The following ABL1 variants were observed in gnomAD, a reference collection of about 807,000 sequenced individuals.
ABL1 encodes ABL proto-oncogene 1, non-receptor tyrosine kinase.
A neutral mutation model predicts 94.7 loss-of-function variants in ABL1; 11 were observed. The observed-to-expected ratio is 0.12, with a 90% CI of 0.07 to 0.19. The LOEUF is 0.19. ABL1 is among the 10% of genes least tolerant of loss of function. The pLI is 1.00. For synonymous variants in ABL1, 656 were observed against 622.4 expected, an observed-to-expected ratio of 1.05 and a Z score of -0.80; for missense variants, 1,082 against 1,489.4, an observed-to-expected ratio of 0.73 and a Z score of 4.50.
chr9:130,851,977 C>T (rs1830874089), intron 1 of ABL1, among the ~76,000 whole-genome samples: 1 of 151,816 alleles, frequency 6.6e-6, no homozygotes, highest in East Asian at 1.9e-4. Context: ...TGGGGTTTTG[C>T]CATGTTGGCC....
chr9:130,722,576 A>T (rs1022964829), intron 1 of ABL1, among the ~76,000 whole-genome samples: 1 of 152,028 alleles, frequency 6.6e-6, no homozygotes, highest in Non-Finnish European at 1.5e-5. Context: ...TGCAGCCTTG[A>T]ACTCCTGGGC....
At chr9:130,785,930 A>G (rs1194581796) in intron 1 of ABL1, among the ~76,000 whole-genome samples, 2 of 133,208 alleles carry the variant, frequency 1.5e-5, no homozygotes, top group African/African-American at 6.2e-5. Flanking sequence ...CTCAAAACTA[A>G]AAAAAAAAAA....
rs1368132260 is a variant in ABL1, at chr9:130,862,763, C to A, written c.550C>A (p.Leu184Ile). ...YRINTASDGK[L>I]YVSSESRFNT... ...GAAGGCTGTTCCCTGTTTCCTTCAG[C>A]TCTACGTCTCCTCCGAGAGCCGCTT... The change falls in exon 4 of 11, where the codon CTC becomes ATC. Residue 184 changes from leucine to isoleucine, a missense_variant and splice_region_variant. Physicochemically the swap from Leu to Ile is conservative, Grantham distance 5 (BLOSUM62 2). Coordinates refer to ENST00000318560, the MANE Select transcript of ABL1 (RefSeq NM_005157.6). This position sits in a 1 kb window ranked among gnomAD's most constrained non-coding sequence, Gnocchi z 5.5. The A allele has an allele frequency of 6.2e-7, 1 of 1,613,350 alleles. No individual in the cohort carries two copies. Among genetic ancestry groups the A allele is most frequent in the South Asian group, 1.1e-5 (1 of 90,972 alleles).
At chr9:130,797,931 A>T (rs930660045) in intron 1 of ABL1, among the ~76,000 whole-genome samples, 2 of 151,970 alleles carry the variant, frequency 1.3e-5, no homozygotes, top group African/African-American at 4.8e-5. Context: ...ACTGTGCCCC[A>T]TGTCTTTTCA....
intron 1 of ABL1, among the ~76,000 whole-genome samples, chr9:130,764,292 G>T (rs1462549342): frequency 6.6e-6 from 1 of 152,222 alleles, no homozygotes; most frequent in Non-Finnish European, 1.5e-5. Context: ...CGTTTCTTCT[G>T]TGAAGTGAGG....
intron 1 of ABL1, among the ~76,000 whole-genome samples, chr9:130,741,947 G>T (rs1831825688): frequency 6.6e-6 from 1 of 152,220 alleles, no homozygotes. Context: ...CCCCTTAACA[G>T]ATCAGTGCCA....
At chr9:130,821,358 G>A (rs568703003) in intron 1 of ABL1, among the ~76,000 whole-genome samples, 1 of 152,028 alleles carries the variant, frequency 6.6e-6, no homozygotes, top group Non-Finnish European at 1.5e-5. Flanking sequence ...TGTCTTTTCC[G>A]TACGTTTCAT....
intron 1 of ABL1, among the ~76,000 whole-genome samples, chr9:130,806,863 G>A (rs1276388583): frequency 6.6e-6 from 1 of 151,982 alleles, no homozygotes; most frequent in African/African-American, 2.4e-5. Context: ...TAAAAAATTT[G>A]TTTTTGGCTG....
At chr9:130,775,103 AG>A (rs1832296340) in intron 1 of ABL1, among the ~76,000 whole-genome samples, 1 of 152,228 alleles carries the variant, frequency 6.6e-6, no homozygotes, top group Non-Finnish European at 1.5e-5. Context: ...AGGTTGCTAG[AG>A]TTCCTAGATT....
intron 1 of ABL1, among the ~76,000 whole-genome samples, chr9:130,821,033 G>A (rs1439877473): frequency 3.3e-5 from 5 of 151,972 alleles, no homozygotes; most frequent in African/African-American, 7.3e-5. Flanking sequence ...GGGTTCAAGC[G>A]ATTCTCCTGC....
chr9:130,745,852 TAAA>T (rs1304696486), intron 1 of ABL1, among the ~76,000 whole-genome samples: 1 of 151,804 alleles, frequency 6.6e-6, no homozygotes, highest in Non-Finnish European at 1.5e-5. Flanking sequence ...GAAGATCAAA[TAAA>T]TAAAGTGGAC....
chr9:130,847,117 G>A lies in ABL1; in HGVS notation c.80-6947G>A, dbSNP rs549226381. 3.3e-5 allele frequency among the ~76,000 whole-genome samples: 5 copies of A among 152,174 alleles called. No homozygotes were observed. The South Asian group carries it at 1.0e-3, about 32-fold the overall frequency. ...TAATTAGTGATTTTTTCTGAGTTTA[G>A]TTGGTGAGTGGAAACCTTTTTGTTA... On this transcript the variant is annotated intron_variant, in intron 1 of 10. Transcript: ENST00000318560.
At chr9:130,787,486 C>T (rs1461055631) in intron 1 of ABL1, among the ~76,000 whole-genome samples, 1 of 152,152 alleles carries the variant, frequency 6.6e-6, no homozygotes, top group Non-Finnish European at 1.5e-5. Context: ...GCTGGTACCT[C>T]ACCCCCAGGA....
intron 4 of ABL1, among the ~76,000 whole-genome samples, chr9:130,866,115 A>G (rs960018308): frequency 1.3e-5 from 2 of 152,134 alleles, no homozygotes; most frequent in Non-Finnish European, 2.9e-5. Context: ...TGTAGCCCCA[A>G]GCCTTTCAGT....
intron 1 of ABL1, among the ~76,000 whole-genome samples, chr9:130,759,886 A>C (rs1832088283): frequency 6.6e-6 from 1 of 151,486 alleles, no homozygotes; most frequent in South Asian, 2.1e-4. Context: ...CTAACCTCTT[A>C]GGCTCAAGTG....
In ABL1 at chr9:130,814,703, C is replaced by G. The variant is rs1332720910; in HGVS notation, c.137-39361C>G. 6.6e-6 allele frequency among the ~76,000 whole-genome samples: 1 copy of G among 151,964 alleles called. No individual in the cohort carries two copies. Among genetic ancestry groups the G allele is most frequent in the Non-Finnish European group, 1.5e-5 (1 of 68,002 alleles). ...CCATCCTTGCTAACACGGTGAAACCCCGTCTCCACTAAAAATACAAAAAAT... is the reference window on the plus strand; with the variant it reads ...CCATCCTTGCTAACACGGTGAAACCGCGTCTCCACTAAAAATACAAAAAAT... On this transcript the variant is annotated intron_variant, in intron 1 of 10. Transcript: ENST00000372348. This position sits in a 1 kb window ranked among gnomAD's most constrained non-coding sequence, Gnocchi z 4.4.
At position 130,835,936 on chromosome 9, in the gene ABL1, T is replaced by C. The variant is rs1830574199; in HGVS notation, c.79+411T>C. The stretch of plus-strand genomic sequence containing the variant: ...AAAGCCAACTCGCCAGGCCTTAACA[T>C]CCCTGGGATCCCACGTTGTGGAATT... On this transcript the variant is annotated intron_variant, in intron 1 of 10. Coordinates refer to ENST00000318560, the MANE Select transcript of ABL1 (RefSeq NM_005157.6). This position sits in a 1 kb window ranked among gnomAD's most constrained non-coding sequence, Gnocchi z 4.6. Among the ~76,000 whole-genome samples the C allele has an allele frequency of 6.6e-6, 1 of 152,202 alleles. No individual in the cohort carries two copies. The highest frequency in any genetic ancestry group is 6.5e-5 in the Admixed American group (1 of 15,284).
At chr9:130,788,115 G>C (rs1460859545) in intron 1 of ABL1, among the ~76,000 whole-genome samples, 1 of 152,186 alleles carries the variant, frequency 6.6e-6, no homozygotes, top group Admixed American at 6.5e-5. Context: ...GATCAGTGCA[G>C]TTTGCTAATA....
intron 1 of ABL1, among the ~76,000 whole-genome samples, chr9:130,811,911 C>CA (rs1203330162): frequency 0.029 from 528 of 18,512 alleles, 96 homozygotes; most frequent in African/African-American, 0.038. Flanking sequence ...GACTCCGTCT[C>CA]AAAAAAAAAA....
Sources: allele counts gnomAD v4.1 joint callset (sites outside exome capture counted in the v4.1 genomes callset), GRCh38; gene constraint gnomAD v4.1.1; non-coding constraint Gnocchi (gnomAD v3.1); transcripts MANE v1.5; gene names NCBI Gene and HGNC (gene_info 2026-07-23, HGNC 2026-07-21).